The following ZBTB5 variants were observed in gnomAD, a reference collection of about 807,000 sequenced individuals.
ZBTB5 encodes zinc finger and BTB domain containing 5.
Under a neutral mutation model 37.9 loss-of-function variants are expected in ZBTB5, and 15 were observed. The observed-to-expected ratio is 0.40, with a 90% CI of 0.26 to 0.61. ZBTB5 has a LOEUF of 0.61. Ranked by LOEUF, ZBTB5 falls within the 20% of genes least tolerant of loss-of-function variation. ZBTB5 has a pLI of 0.47. For synonymous variants in ZBTB5, 315 were observed against 312.4 expected (o/e 1.01, Z -0.09); for missense variants, 708 against 856.8 (o/e 0.83, Z 2.17).
rs367630383 is a variant in ZBTB5, at chr9:37,442,004, G to A, written c.548C>T (p.Thr183Met). The A allele has an allele frequency of 1.2e-5, 19 of 1,613,722 alleles. No individual in the cohort carries two copies. Among genetic ancestry groups the A allele is most frequent in the East Asian group, 2.2e-5 (1 of 44,888 alleles). The change falls in exon 2 of 2, where the codon ACG (threonine) becomes ATG (methionine). Residue 183 changes from threonine to methionine, a missense_variant. Thr to Met is a moderately conservative substitution (Grantham distance 81). Coordinates refer to ENST00000307750, the MANE Select transcript of ZBTB5 (RefSeq NM_014872.3). Reference sequence around the variant, plus strand: ...ATGAAGGCGTCTCATGGGGAAGGGCGTGCGCTGATCCAGGTTACTGCGCAT... The same window carrying A: ...ATGAAGGCGTCTCATGGGGAAGGGCATGCGCTGATCCAGGTTACTGCGCAT... ...SSMRSNLDQR[T>M]PFPMRRLHKR... is the part of the protein sequence containing the mutation.
chr9:37,441,095 A>G lies in ZBTB5; in HGVS notation c.1457T>C (p.Met486Thr). Residue 486 changes from methionine (M) to threonine (T), a missense_variant, in exon 2 of 2, where the codon ATG (methionine) becomes ACG (threonine). Physicochemically the swap from Met to Thr is moderately conservative, Grantham distance 81 (BLOSUM62 -1). This residue lies in a region of ZBTB5 where 639 missense variants were observed against 690.5 expected (regional missense o/e 0.93). Coordinates refer to ENST00000307750, the MANE Select transcript of ZBTB5 (RefSeq NM_014872.3). The stretch of plus-strand genomic sequence containing the variant: ...TGAAGTCTGCACACACGGCAGGCCC[A>G]TCACCTCCTGCATAGGCCTGACGAA... ...SHFVRPMQEVMGLPCVQTSGY... is the reference protein window; with the variant it reads ...SHFVRPMQEVTGLPCVQTSGY... The G allele has an allele frequency of 6.2e-7, 1 of 1,614,140 alleles. No individual in the cohort carries two copies. The highest frequency in any genetic ancestry group is 8.5e-7 in the Non-Finnish European group (1 of 1,180,034).
chr9:37,448,181 C>T (rs932769991), intron 1 of ZBTB5, among the ~76,000 whole-genome samples: 1 of 151,942 alleles, frequency 6.6e-6, no homozygotes, highest in South Asian at 2.1e-4. Context: ...AACTTCCCAT[C>T]AGCCTAGAGA....
chr9:37,444,287 C>T (rs1823937029), intron 1 of ZBTB5, among the ~76,000 whole-genome samples: 2 of 152,182 alleles, frequency 1.3e-5, no homozygotes, highest in African/African-American at 4.8e-5. Flanking sequence ...CAACCTCCGC[C>T]TCCCGGGTTC....
intron 1 of ZBTB5, among the ~76,000 whole-genome samples, chr9:37,456,762 T>A (rs985346554): frequency 1.3e-5 from 2 of 152,244 alleles, no homozygotes; most frequent in African/African-American, 4.8e-5. Context: ...TCTCTCAAAG[T>A]GCCTGACATA....
rs548544959 is a variant in ZBTB5 at position 37,459,544 on chromosome 9, A to G, written c.-5+5671T>C. ...CTTTTAAACATGTCTTTTACCCCTG[A>G]CAGATCAAGAAACTTTTTTTTTTTT... On this transcript the variant is annotated intron_variant, in intron 1 of 1. Coordinates refer to ENST00000307750, the MANE Select transcript of ZBTB5 (RefSeq NM_014872.3). Among the ~76,000 whole-genome samples the G allele has an allele frequency of 1.8e-4, 28 of 151,688 alleles. No individual in the cohort carries two copies. In the East Asian group the frequency reaches 3.9e-3, roughly 21 times the overall value.
Position 37,440,939 on chromosome 9 carries a change from A to T in ZBTB5, c.1613T>A (p.Ile538Lys), listed in dbSNP as rs1823857018. The change falls in exon 2 of 2, where the codon ATA (isoleucine) becomes AAA (lysine). Residue 538 changes from isoleucine (I) to lysine (K), a missense_variant. By Grantham distance (102) the Ile-to-Lys change is moderately radical (BLOSUM62 -3). This residue lies in a region of ZBTB5 where 639 missense variants were observed against 690.5 expected (regional missense o/e 0.93). Coordinates refer to ENST00000307750, the MANE Select transcript of ZBTB5 (RefSeq NM_014872.3). Reference protein sequence around the residue: ...GASNFPYYRRIAPKMPVVTSV... With the variant: ...GASNFPYYRRKAPKMPVVTSV... Reference sequence around the variant, plus strand: ...AGTTACAACTGGCATTTTGGGAGCTATGCGGCGGTAGTAAGGAAAGTTACT... The same window carrying T: ...AGTTACAACTGGCATTTTGGGAGCTTTGCGGCGGTAGTAAGGAAAGTTACT... 6.2e-7 allele frequency: 1 copy of T among 1,614,112 alleles called. No homozygotes were observed. Among genetic ancestry groups the T allele is most frequent in the Non-Finnish European group, 8.5e-7 (1 of 1,180,048 alleles).
intron 1 of ZBTB5, among the ~76,000 whole-genome samples, chr9:37,461,480 C>A (rs1265386835): frequency 1.3e-5 from 2 of 152,228 alleles, no homozygotes; most frequent in African/African-American, 4.8e-5. Flanking sequence ...TGTAATCACG[C>A]ACTTTGGGAG....
chr9:37,448,664 GAAGTA>G (rs1475694176), intron 1 of ZBTB5, among the ~76,000 whole-genome samples: 1 of 152,188 alleles, frequency 6.6e-6, no homozygotes, highest in East Asian at 1.9e-4. Flanking sequence ...GACAGCTAAG[GAAGTA>G]GAGTAGATTT....
chr9:37,446,159 A>T lies in ZBTB5; in HGVS notation c.-4-3604T>A, dbSNP rs887135426. Among the ~76,000 whole-genome samples, 11 of 152,246 alleles carry T rather than the reference A, an allele frequency of 7.2e-5. 1 individual carries two copies. Among genetic ancestry groups the T allele is most frequent in the South Asian group, 6.2e-4 (3 of 4,834 alleles). ...CACATATATTTATAAAATTAAATTT[A>T]AAAAAGGTAGATCTATGATATTCTA... On this transcript the variant is annotated intron_variant, in intron 1 of 1. Transcript: ENST00000307750.
Position 37,465,447 on chromosome 9 carries a change from T to G in ZBTB5, c.-237A>C, listed in dbSNP as rs988241102. On this transcript the variant is annotated 5_prime_UTR_variant, in exon 1 of 2. Coordinates refer to ENST00000307750, the MANE Select transcript of ZBTB5 (RefSeq NM_014872.3). ...GGCGGCGCCCGAGGATAAGCGGAAGTGACGTAATGCAAGAGCGCCTACTCC... is the reference window on the plus strand; with the variant it reads ...GGCGGCGCCCGAGGATAAGCGGAAGGGACGTAATGCAAGAGCGCCTACTCC... The G allele has an allele frequency of 6.7e-6, 1 of 150,042 alleles. No individual in the cohort carries two copies. The highest frequency in any genetic ancestry group is 1.5e-5 in the Non-Finnish European group (1 of 67,808). The allele number at this position is 150,042 out of a possible 1,614,324, so 9.3% of individuals were successfully genotyped here.
rs192913372 is a variant in ZBTB5, at chr9:37,450,318, A to G, written c.-4-7763T>C. Among the ~76,000 whole-genome samples the G allele has an allele frequency of 1.8e-3, 280 of 152,338 alleles. 3 individuals carry two copies. The highest frequency in any genetic ancestry group is 9.1e-4 in the Non-Finnish European group (62 of 68,038). ...CCAGACAACGAAGCTGCTTCAAAAA[A>G]AAAGCAAGTAAGTCTTTGTATCATT... On this transcript the variant is annotated intron_variant, in intron 1 of 1. Transcript: ENST00000307750.
rs1427736444 is a variant in ZBTB5 at position 37,442,566 on chromosome 9, A to G, written c.-4-11T>C. On this transcript the variant is annotated splice_polypyrimidine_tract_variant and intron_variant, in intron 1 of 1. Transcript: ENST00000307750. ...GGAAAATCCATGATCCTACAGAAAA[A>G]CAAAGAAAGAAAATGTTAAGACCTA... 2 of 1,576,910 alleles carry G rather than the reference A, an allele frequency of 1.3e-6. No homozygotes were observed. Among genetic ancestry groups the G allele is most frequent in the Non-Finnish European group, 1.7e-6 (2 of 1,158,978 alleles).
intron 1 of ZBTB5, among the ~76,000 whole-genome samples, chr9:37,463,617 ATTT>A (rs1191129617): frequency 2.0e-5 from 3 of 152,152 alleles, no homozygotes; most frequent in Non-Finnish European, 4.4e-5. Context: ...TATCCCAGTG[ATTT>A]TTTATTACTT....
In ZBTB5 at chr9:37,440,833, A is replaced by G. The variant is rs1223537693; in HGVS notation, c.1719T>C (p.Asn573=). ...GAGGGCCAGGCTGGGAAGGATGGCC[A>G]TTTTCAAATGAGGACGTAGCTCCAT... is the stretch of plus-strand genomic sequence containing the variant. ...MMNGATSSFE[N]GHPSQPGPPQ... Residue 573 remains asparagine, a synonymous_variant, in exon 2 of 2, where the codon AAT becomes AAC. Coordinates refer to ENST00000307750, the MANE Select transcript of ZBTB5 (RefSeq NM_014872.3). The G allele has an allele frequency of 1.9e-6, 3 of 1,614,066 alleles. No homozygotes were observed. The highest frequency in any genetic ancestry group is 2.5e-6 in the Non-Finnish European group (3 of 1,180,036).
Position 37,440,430 on chromosome 9 carries a change from G to C in ZBTB5, c.*88C>G. On this transcript the variant is annotated 3_prime_UTR_variant, in exon 2 of 2. Transcript: ENST00000307750. ...CTGTTTAAGAGCCACTGGGCAGCTG[G>C]AAGCCTCGAACCCAAAGGCATTAAC... 3 of 1,140,856 alleles carry C rather than the reference G, an allele frequency of 2.6e-6. No individual in the cohort carries two copies. The highest frequency in any genetic ancestry group is 3.0e-5 in the South Asian group (2 of 66,826). 70.7% of individuals were successfully genotyped at this position (1,140,856 alleles called of 1,614,324 possible). A position where few individuals can be genotyped will look rare whatever the true frequency, so the allele number is the denominator to read the frequency against.
At chr9:37,450,166 T>TAG (rs1282226035) in intron 1 of ZBTB5, among the ~76,000 whole-genome samples, 1 of 152,160 alleles carries the variant, frequency 6.6e-6, no homozygotes, top group African/African-American at 2.4e-5. Context: ...TCTGTCTCAC[T>TAG]AGAGAGAGAG....
In ZBTB5 at chr9:37,438,514, C is replaced by T. The variant is rs1823772313; in HGVS notation, c.*2004G>A. On this transcript the variant is annotated 3_prime_UTR_variant, in exon 2 of 2. Transcript: ENST00000307750. ...TCCAGCATGTATCAGAGATAAGCCCCAAAAGCAAAGTCCACTTATGCTTCA... is the reference window on the plus strand; with the variant it reads ...TCCAGCATGTATCAGAGATAAGCCCTAAAAGCAAAGTCCACTTATGCTTCA... 6.6e-6 allele frequency: 1 copy of T among 152,360 alleles called. No individual in the cohort carries two copies. Among genetic ancestry groups the T allele is most frequent in the East Asian group, 1.9e-4 (1 of 5,196 alleles). 9.4% of individuals were successfully genotyped at this position (152,360 alleles called of 1,614,324 possible).
chr9:37,447,472 CTTTT>C lies in ZBTB5; in HGVS notation c.-4-4921_-4-4918del, dbSNP rs35406738. ...AATAAAATATATATTTTTTACTGTG[CTTTT>C]TTTTTGAGACAGGGTTTCACCCTGT... On this transcript the variant is annotated intron_variant, in intron 1 of 1. Coordinates refer to ENST00000307750, the MANE Select transcript of ZBTB5 (RefSeq NM_014872.3). Among the ~76,000 whole-genome samples, 29 of 151,114 alleles carry C rather than the reference CTTTT, an allele frequency of 1.9e-4. 1 individual carries two copies. The highest frequency in any genetic ancestry group is 1.8e-3 in the Admixed American group (28 of 15,168).
chr9:37,455,257 TG>T (rs1320029862), intron 1 of ZBTB5, among the ~76,000 whole-genome samples: 1 of 152,174 alleles, frequency 6.6e-6, no homozygotes, highest in Non-Finnish European at 1.5e-5. Flanking sequence ...GCCATTCAGC[TG>T]GGGATGGTCA....
Sources: allele counts gnomAD v4.1 joint callset (sites outside exome capture counted in the v4.1 genomes callset), GRCh38; gene constraint gnomAD v4.1.1; regional missense constraint gnomAD v4.1.1; transcripts MANE v1.5; gene names NCBI Gene and HGNC (gene_info 2026-07-23, HGNC 2026-07-21).